AMZ2: variants seen among roughly 807,000 people sequenced by gnomAD.
The protein encoded by AMZ2 is archaemetzincin-2.
Under a neutral mutation model 36.7 loss-of-function variants are expected in AMZ2, and 26 were observed. The observed-to-expected ratio is 0.71, with a 90% CI of 0.52 to 0.98. The LOEUF (loss-of-function observed/expected upper bound fraction) is 0.98, where lower values mean the gene tolerates loss of function less well. Among genes scored for constraint, AMZ2 ranks in the 50% least tolerant of loss-of-function variants. The probability of loss-of-function intolerance (pLI) is 0.00; values close to 1 mark genes in which losing one functional copy is unlikely to be tolerated. For synonymous variants in AMZ2, 144 were observed against 149.1 expected, an observed-to-expected ratio of 0.97 and a Z score of 0.25; for missense variants, 394 against 430.5, an observed-to-expected ratio of 0.92 and a Z score of 0.75.
intron 1 of AMZ2, among the ~76,000 whole-genome samples, chr17:68,221,264 CTATT>C (rs3056036): frequency 0.44 from 57,575 of 132,106 alleles, 12,809 homozygotes; most frequent in East Asian, 0.5. Flanking sequence ...CCGTGCCCAA[CTATT>C]TATTTATTTA....
At chr17:68,241,945 A>G (rs1447702795) in intron 1 of AMZ2, among the ~76,000 whole-genome samples, 1 of 145,460 alleles carries the variant, frequency 6.9e-6, no homozygotes, top group African/African-American at 2.6e-5. Context: ...AGGGTTCGCC[A>G]TGTTGGCCAG....
chr17:68,238,587 A>ACACACACG (rs1491159077), intron 1 of AMZ2, among the ~76,000 whole-genome samples: 2 of 30,964 alleles, frequency 6.5e-5, no homozygotes, highest in African/African-American at 8.2e-4. Context: ...ACACATATGT[A>ACACACACG]CACACACACA....
intron 1 of AMZ2, among the ~76,000 whole-genome samples, chr17:68,210,518 T>C (rs1232520477): frequency 6.6e-5 from 10 of 152,178 alleles, no homozygotes; most frequent in Admixed American, 6.5e-4. Flanking sequence ...GTGATTACTG[T>C]AGGCTGGGAG....
At chr17:68,236,850 G>A (rs1294101015) in intron 1 of AMZ2, among the ~76,000 whole-genome samples, 3 of 152,054 alleles carry the variant, frequency 2.0e-5, no homozygotes, top group Admixed American at 2.0e-4. Flanking sequence ...AAAGTGTTGG[G>A]ATTACAGGCG....
At chr17:68,254,308 C>T in intron 4 of AMZ2, 96 bp from the exon 5 acceptor site, 1 of 1,190,564 alleles carries the variant, frequency 8.4e-7, no homozygotes, top group Non-Finnish European at 1.2e-6. Context: ...CACAGAGATG[C>T]ACTCACTGGC....
At chr17:68,232,495 C>CAAAA (rs139890887) in intron 1 of AMZ2, among the ~76,000 whole-genome samples, 3 of 106,892 alleles carry the variant, frequency 2.8e-5, no homozygotes, top group African/African-American at 1.1e-4. Context: ...GACCCTATCT[C>CAAAA]AAAAAAAAAA....
chr17:68,246,242 C>T (rs1267996841), upstream of AMZ2, among the ~76,000 whole-genome samples: 1 of 148,408 alleles, frequency 6.7e-6, no homozygotes, highest in Non-Finnish European at 1.5e-5. Flanking sequence ...GTGGTGTGTG[C>T]CTGTAGTCCC....
At chr17:68,214,733 A>AT (rs1222066072) in intron 1 of AMZ2, among the ~76,000 whole-genome samples, 8 of 149,272 alleles carry the variant, frequency 5.4e-5, no homozygotes, top group African/African-American at 1.7e-4. Flanking sequence ...TACTTTCAGA[A>AT]TTTTTTTTTT....
At chr17:68,208,632 A>G (rs1421808090) in intron 1 of AMZ2, among the ~76,000 whole-genome samples, 1 of 152,120 alleles carries the variant, frequency 6.6e-6, no homozygotes, top group Admixed American at 6.5e-5. Context: ...CCCATTCCAC[A>G]TTGTGGAAGC....
chr17:68,220,572 G>C (rs1236071197), intron 1 of AMZ2, among the ~76,000 whole-genome samples: 2 of 152,040 alleles, frequency 1.3e-5, no homozygotes, highest in Non-Finnish European at 2.9e-5. Context: ...TGTCACCCAT[G>C]TGCTGGACAC....
upstream of AMZ2, among the ~76,000 whole-genome samples, chr17:68,243,403 G>T (rs1350363027): frequency 1.3e-5 from 2 of 152,142 alleles, no homozygotes; most frequent in Admixed American, 1.3e-4. Context: ...CCAAAGTGCT[G>T]GGATTACAGG....
At chr17:68,208,842 C>T (rs1750148454) in intron 1 of AMZ2, among the ~76,000 whole-genome samples, 1 of 152,144 alleles carries the variant, frequency 6.6e-6, no homozygotes, top group Non-Finnish European at 1.5e-5. Context: ...AGGTCAAGGT[C>T]TGCAGCTTCA....
At chr17:68,251,628 C>G (rs564824546) in intron 4 of AMZ2, among the ~76,000 whole-genome samples, 1 of 152,166 alleles carries the variant, frequency 6.6e-6, no homozygotes, top group African/African-American at 2.4e-5. Context: ...GATCGAGCCA[C>G]TGCACTCCAG....
chr17:68,232,149 T>C (rs2073681219), intron 1 of AMZ2, among the ~76,000 whole-genome samples: 1 of 146,926 alleles, frequency 6.8e-6, no homozygotes, highest in Non-Finnish European at 1.5e-5. Flanking sequence ...AAAAGGTATA[T>C]TTACAAAAAC....
At chr17:68,250,692 A>C in intron 2 of AMZ2, 102 bp from the exon 3 acceptor site, 1 of 1,245,578 alleles carries the variant, frequency 8.0e-7, no homozygotes. Context: ...TTGAAAATTT[A>C]GAGTTGGTTT....
intron 1 of AMZ2, among the ~76,000 whole-genome samples, chr17:68,219,069 A>C (rs1231727713): frequency 2.6e-5 from 4 of 152,104 alleles, no homozygotes; most frequent in South Asian, 2.1e-4. Flanking sequence ...TGCAACCCCC[A>C]AAAATTCAAG....
upstream of AMZ2, chr17:68,248,006 C>T (rs2074114750): frequency 1.0e-6 from 1 of 986,018 alleles, no homozygotes; most frequent in Non-Finnish European, 1.2e-6. Context: ...CGGCGCGTGG[C>T]GTAAGGGGCG....
chr17:68,248,862 C>A, intron 1 of AMZ2, 157 bp downstream of exon 1: 1 of 780,118 alleles, frequency 1.3e-6, no homozygotes, highest in Non-Finnish European at 1.6e-6. Flanking sequence ...CCTCTTCAAC[C>A]CCAGAATTTA....
intron 1 of AMZ2, among the ~76,000 whole-genome samples, chr17:68,231,806 G>A (rs530778566): frequency 8.5e-5 from 13 of 152,178 alleles, no homozygotes; most frequent in Non-Finnish European, 1.6e-4. Context: ...TGGAGAGAGG[G>A]TGGTCAGGTT....
Sources: gnomAD v4.1 joint callset for allele counts (sites outside exome capture counted in the v4.1 genomes callset) on GRCh38, gnomAD v4.1.1 for gene constraint, MANE v1.5 for transcripts, NCBI Gene and HGNC (gene_info 2026-07-23, HGNC 2026-07-21) for gene names.